Variants in DGUOK observed in about 807,000 individuals in gnomAD.
DGUOK encodes the protein deoxyguanosine kinase, mitochondrial.
Under a neutral mutation model 36.6 loss-of-function variants are expected in DGUOK, and 30 were observed. The ratio of observed to expected loss-of-function variants is 0.82; its 90% CI spans 0.61 to 1.11. DGUOK has a LOEUF of 1.11. Ranked by LOEUF, DGUOK falls within the 50% of genes most tolerant of loss-of-function variation. The probability of loss-of-function intolerance (pLI) is 0.00; values close to 1 mark genes in which losing one functional copy is unlikely to be tolerated. For synonymous variants in DGUOK, 145 were observed against 126.3 expected, an observed-to-expected ratio of 1.15 and a Z score of -0.99; for missense variants, 361 against 336.4, an observed-to-expected ratio of 1.07 and a Z score of -0.57.
intron 1 of DGUOK, among the ~76,000 whole-genome samples, chr2:73,927,844 A>C (rs182552700): frequency 6.6e-6 from 1 of 152,260 alleles, no homozygotes; most frequent in African/African-American, 2.4e-5. Context: ...CTGAGCCCCT[A>C]AAAGGGGCTT....
At chr2:73,956,421 G>A (rs919839747) in intron 4 of DGUOK, among the ~76,000 whole-genome samples, 2 of 152,140 alleles carry the variant, frequency 1.3e-5, no homozygotes, top group Admixed American at 6.5e-5. Context: ...GGCTGTAGGC[G>A]GTAAAGAGCC....
chr2:73,942,201 C>T (rs1246044834), intron 2 of DGUOK, among the ~76,000 whole-genome samples: 5 of 152,092 alleles, frequency 3.3e-5, no homozygotes, highest in South Asian at 4.1e-4. Context: ...TGAGCCACTG[C>T]GCCCGACCAT....
chr2:73,941,262 C>A (rs1681884383), intron 2 of DGUOK, among the ~76,000 whole-genome samples: 1 of 152,174 alleles, frequency 6.6e-6, no homozygotes, highest in African/African-American at 2.4e-5. Context: ...CCTCAGCCAA[C>A]ATCTTGACTG....
chr2:73,938,850 C>A, intron 1 of DGUOK, 60 bp from the exon 2 acceptor site: 1 of 1,153,500 alleles, frequency 8.7e-7, no homozygotes, highest in Non-Finnish European at 1.3e-6. Flanking sequence ...AGTTTAGTAG[C>A]AGCCTTCTCC....
intron 4 of DGUOK, among the ~76,000 whole-genome samples, chr2:73,956,802 A>G (rs1683129570): frequency 6.6e-6 from 1 of 152,194 alleles, no homozygotes; most frequent in South Asian, 2.1e-4. Flanking sequence ...TAGAGAGATG[A>G]AAGAGAATTG....
At chr2:73,944,601 T>A (rs894891271) in intron 2 of DGUOK, among the ~76,000 whole-genome samples, 1 of 152,218 alleles carries the variant, frequency 6.6e-6, no homozygotes, top group African/African-American at 2.4e-5. Flanking sequence ...TATTTTTGTG[T>A]CCAATTATTG....
intron 4 of DGUOK, among the ~76,000 whole-genome samples, chr2:73,956,860 C>T (rs1683137189): frequency 6.6e-6 from 1 of 152,180 alleles, no homozygotes; most frequent in Admixed American, 6.5e-5. Flanking sequence ...AGGAAAATTC[C>T]AGGTCCGTGG....
chr2:73,931,291 T>TTTG (rs1558642480), intron 1 of DGUOK, among the ~76,000 whole-genome samples: 18 of 151,774 alleles, frequency 1.2e-4, no homozygotes, highest in East Asian at 3.9e-4. Flanking sequence ...TTGTTTGTTT[T>TTTG]TTTGATGGAG....
At chr2:73,931,255 A>C (rs2104867083) in intron 1 of DGUOK, among the ~76,000 whole-genome samples, 1 of 151,976 alleles carries the variant, frequency 6.6e-6, no homozygotes, top group East Asian at 1.9e-4. Context: ...AAACACATGC[A>C]GTTTTTTGGG....
At chr2:73,957,073 G>A (rs367599695) in intron 4 of DGUOK, 52 bp from the exon 5 acceptor site, 436 of 1,349,708 alleles carry the variant, frequency 3.2e-4, no homozygotes, top group Non-Finnish European at 4.4e-4. Flanking sequence ...AGACTGCATT[G>A]TAGCAGCCAA....
chr2:73,927,156 C>G, intron 1 of DGUOK, 104 bp downstream of exon 1: 1 of 1,506,152 alleles, frequency 6.6e-7, no homozygotes, highest in Non-Finnish European at 9.0e-7. Context: ...ATGCGGCCGG[C>G]CTCTTTTTCT....
At position 73,950,617 on chromosome 2, in the gene DGUOK, G is replaced by A. The variant is rs769253642; in HGVS notation, c.476G>A (p.Gly159Asp). ...YIFAKNLFEN[G>D]SLSDIEWHIY... ...TTTGCAAAGAATCTTTTTGAAAATG[G>A]TTCCCTCAGTGACATCGAGTGGCAT... is the stretch of plus-strand genomic sequence containing the variant. Residue 159 changes from glycine to aspartate, a missense_variant, in exon 4 of 7, where the codon GGT becomes GAT. Coordinates refer to ENST00000264093, the MANE Select transcript of DGUOK (RefSeq NM_080916.3). The A allele has an allele frequency of 3.1e-6, 5 of 1,613,846 alleles. No homozygotes were observed. The highest frequency in any genetic ancestry group is 4.2e-6 in the Non-Finnish European group (5 of 1,180,012).
chr2:73,953,290 ATCGTCG>A (rs70965773), intron 4 of DGUOK, among the ~76,000 whole-genome samples: 78,368 of 137,510 alleles, frequency 0.57, 22,273 homozygotes, highest in Non-Finnish European at 0.61. Flanking sequence ...CATCATCATC[ATCGTCG>A]TCGTCGTCGT....
Position 73,926,984 on chromosome 2 carries a change from G to T in DGUOK, c.74G>T (p.Gly25Val). ...TCCATGGCCAAGAGCCCACTCGAGG[G>T]CGTTTCCTCCTCCAGAGGCCTGCAC... is the stretch of plus-strand genomic sequence containing the variant. ...FSSMAKSPLE[G>V]VSSSRGLHAG... Residue 25 changes from glycine to valine, a missense_variant, in exon 1 of 7, where the codon GGC becomes GTC. Physicochemically the swap from Gly to Val is moderately radical, Grantham distance 109. Coordinates refer to ENST00000264093, the MANE Select transcript of DGUOK (RefSeq NM_080916.3). 6.2e-7 allele frequency: 1 copy of T among 1,612,584 alleles called. No homozygotes were observed.
chr2:73,957,907 AT>A, intron 5 of DGUOK: 1 of 421,620 alleles, frequency 2.4e-6, no homozygotes, highest in Non-Finnish European at 4.5e-6. Context: ...TCCACTTAAA[AT>A]GTTTGGTGCT....
In DGUOK at chr2:73,927,061, C is replaced by T. The variant is rs377000908; in HGVS notation, c.142+9C>T. 1.7e-4 allele frequency: 268 copies of T among 1,606,692 alleles called. No individual in the cohort carries two copies. The African/African-American group carries it at 3.2e-3, about 19-fold the overall frequency. On this transcript the variant is annotated intron_variant, in intron 1 of 6. Coordinates refer to ENST00000264093, the MANE Select transcript of DGUOK (RefSeq NM_080916.3). ...CATCGAAGGCAACATTGGTAAGGGCCGGAAAGCGGCTGCCAAGCCTTGGCC... is the reference window on the plus strand; with the variant it reads ...CATCGAAGGCAACATTGGTAAGGGCTGGAAAGCGGCTGCCAAGCCTTGGCC...
chr2:73,943,031 T>C (rs1436269805), intron 2 of DGUOK, among the ~76,000 whole-genome samples: 1 of 152,258 alleles, frequency 6.6e-6, no homozygotes, highest in African/African-American at 2.4e-5. Context: ...TGAACTTTTT[T>C]TTGGTCATGA....
chr2:73,927,140 C>T (rs964051889), intron 1 of DGUOK, 88 bp downstream of exon 1: 18 of 1,552,374 alleles, frequency 1.2e-5, no homozygotes, highest in Non-Finnish European at 1.6e-5. Context: ...GAATGGCCTG[C>T]GTCTGATGCG....
chr2:73,939,907 C>CTTTT (rs35979524), intron 2 of DGUOK, among the ~76,000 whole-genome samples: 1 of 136,686 alleles, frequency 7.3e-6, no homozygotes. Context: ...AGTCTCTCTC[C>CTTTT]TTTTTTTTTT....
Sources: gnomAD v4.1 joint callset for allele counts (sites outside exome capture counted in the v4.1 genomes callset) on GRCh38, gnomAD v4.1.1 for gene constraint, MANE v1.5 for transcripts, NCBI Gene and HGNC (gene_info 2026-07-23, HGNC 2026-07-21) for gene names.